The following CDC40 variants were observed in gnomAD, a reference collection of about 807,000 sequenced individuals.
The protein encoded by CDC40 is cell division cycle 40.
Under a neutral mutation model 80.6 loss-of-function variants are expected in CDC40, and 27 were observed. That is an observed-to-expected ratio of 0.33 (90% CI 0.25 to 0.46). CDC40 has a LOEUF of 0.46. CDC40 is among the 20% of genes least tolerant of loss of function. The pLI, the probability that CDC40 is intolerant of heterozygous loss-of-function variation, is 1.00. For missense variants in CDC40, 486 were observed against 694.1 expected, an observed-to-expected ratio of 0.70 and a Z score of 3.37; for synonymous variants, 221 against 232.6, an observed-to-expected ratio of 0.95 and a Z score of 0.45.
At chr6:110,180,933 A>G (rs540241733) in intron 1 of CDC40, among the ~76,000 whole-genome samples, 2 of 152,306 alleles carry the variant, frequency 1.3e-5, no homozygotes, top group Admixed American at 6.5e-5. Context: ...ATCTCGGAAC[A>G]TAAGTGAAAT....
chr6:110,201,571 A>C lies in CDC40; in HGVS notation c.290A>C (p.Asn97Thr), dbSNP rs1017921160. The change falls in exon 3 of 15, where the codon AAT becomes ACT. Residue 97 changes from asparagine (N) to threonine (T), a missense_variant. Physicochemically the swap from Asn to Thr is moderately conservative, Grantham distance 65 (BLOSUM62 0). Transcript: ENST00000307731. ...TMFAPEFGPE[N>T]PFRTQQMAAP... Reference sequence around the variant, plus strand: ...GTAACATTGCAGTTTGGACCAGAAAATCCCTTTAGGACACAGCAAATGGCT... The same window carrying C: ...GTAACATTGCAGTTTGGACCAGAAACTCCCTTTAGGACACAGCAAATGGCT... The C allele has an allele frequency of 1.9e-6, 3 of 1,601,060 alleles. No homozygotes were observed. The Admixed American group carries it at 5.1e-5, about 27-fold the overall frequency.
At chr6:110,225,042 A>T (rs1777832816) in intron 12 of CDC40, among the ~76,000 whole-genome samples, 1 of 152,160 alleles carries the variant, frequency 6.6e-6, no homozygotes, top group Admixed American at 6.5e-5. Context: ...AGGGTTGGAG[A>T]TCTGACAAAT....
chr6:110,191,713 G>A (rs897751169), intron 1 of CDC40, among the ~76,000 whole-genome samples: 1 of 152,172 alleles, frequency 6.6e-6, no homozygotes, highest in African/African-American at 2.4e-5. Flanking sequence ...TAGCAAATGA[G>A]TCAGTGAGGC....
At chr6:110,206,625 A>G (rs1451020178) in intron 3 of CDC40, among the ~76,000 whole-genome samples, 1 of 152,240 alleles carries the variant, frequency 6.6e-6, no homozygotes, top group Admixed American at 6.5e-5. Flanking sequence ...TCTCTTAAGG[A>G]AATATAAAGA....
intron 1 of CDC40, among the ~76,000 whole-genome samples, chr6:110,191,413 A>G (rs1237199335): frequency 1.3e-5 from 2 of 152,200 alleles, no homozygotes; most frequent in African/African-American, 4.8e-5. Flanking sequence ...AGATGGTGAT[A>G]TGATAGGGAT....
rs1461505973 is a variant in CDC40, at chr6:110,231,638, AG to A, written c.*1509del. 2.6e-5 allele frequency: 4 copies of A among 152,206 alleles called. No homozygotes were observed. The highest frequency in any genetic ancestry group is 5.9e-5 in the Non-Finnish European group (4 of 68,034). The allele number at this position is 152,206 out of a possible 1,614,324, so 9.4% of individuals were successfully genotyped here. A position where few individuals can be genotyped will look rare whatever the true frequency, so the allele number is the denominator to read the frequency against. On this transcript the variant is annotated 3_prime_UTR_variant, in exon 15 of 15. Coordinates refer to ENST00000307731, the MANE Select transcript of CDC40 (RefSeq NM_015891.3). ...AAATATTTCACTACCGTGCTGAAAA[AG>A]GTTGGTTGATAGCAGCTTGGAGTGC...
In CDC40 at chr6:110,216,670, G is replaced by C. The variant is rs568730443; in HGVS notation, c.989-1032G>C. Among the ~76,000 whole-genome samples, 6 of 152,292 alleles carry C rather than the reference G, an allele frequency of 3.9e-5. No homozygotes were observed. The South Asian group carries it at 1.2e-3, about 32-fold the overall frequency. ...GGAGTTCACTGGAGGTGATGGTTTA[G>C]AGCTGCTGCATGTGGTTAACAATTT... is the stretch of plus-strand genomic sequence containing the variant. On this transcript the variant is annotated intron_variant, in intron 9 of 14. Transcript: ENST00000307731.
chr6:110,222,106 A>C (rs892289106), intron 12 of CDC40, among the ~76,000 whole-genome samples: 8 of 152,042 alleles, frequency 5.3e-5, no homozygotes, highest in Non-Finnish European at 8.8e-5. Flanking sequence ...AAATACAAAA[A>C]TTAGCTAGTG....
At chr6:110,229,551 A>T (rs1215972293) in intron 14 of CDC40, among the ~76,000 whole-genome samples, 1 of 152,194 alleles carries the variant, frequency 6.6e-6, no homozygotes. Flanking sequence ...TCTTAGATGT[A>T]TTCAAAAGAT....
chr6:110,185,867 G>T (rs80266222), intron 1 of CDC40, among the ~76,000 whole-genome samples: 12,956 of 152,190 alleles, frequency 0.085, 858 homozygotes, highest in African/African-American at 0.19. Context: ...AAGTTAGTAT[G>T]CTAGGCATCC....
intron 2 of CDC40, among the ~76,000 whole-genome samples, chr6:110,195,843 G>A (rs1020758466): frequency 2.0e-5 from 3 of 152,112 alleles, no homozygotes; most frequent in Admixed American, 6.5e-5. Flanking sequence ...ATAACATTGC[G>A]CAAGGCTTTG....
At chr6:110,187,167 A>G (rs1439734232) in intron 1 of CDC40, among the ~76,000 whole-genome samples, 1 of 152,170 alleles carries the variant, frequency 6.6e-6, no homozygotes, top group Non-Finnish European at 1.5e-5. Context: ...TTTAGTAGAG[A>G]CGGGGTTTCA....
At position 110,215,278 on chromosome 6, in the gene CDC40, T is replaced by A; in HGVS notation, c.943-8T>A. The stretch of plus-strand genomic sequence containing the variant: ...ATATTTCCATGTGTTGTTTTTTTTC[T>A]CCCCCAGCTATGGGAGGTTTATGGA... On this transcript the variant is annotated splice_polypyrimidine_tract_variant and splice_region_variant and intron_variant, in intron 8 of 14. Coordinates refer to ENST00000307731, the MANE Select transcript of CDC40 (RefSeq NM_015891.3). 1 of 1,610,470 alleles carries A rather than the reference T, an allele frequency of 6.2e-7. No homozygotes were observed. Among genetic ancestry groups the A allele is most frequent in the Non-Finnish European group, 8.5e-7 (1 of 1,176,846 alleles).
In CDC40 at chr6:110,215,344, T is replaced by C. The variant is rs1217528553; in HGVS notation, c.988+13T>C. On this transcript the variant is annotated intron_variant, in intron 9 of 14. Transcript: ENST00000307731. The stretch of plus-strand genomic sequence containing the variant: ...AGAACATTTATTGGTAATGCTTCTT[T>C]TCTCTCCAACATAAATCTGGGAAGA... The C allele has an allele frequency of 6.2e-7, 1 of 1,606,476 alleles. No individual in the cohort carries two copies. The highest frequency in any genetic ancestry group is 8.5e-7 in the Non-Finnish European group (1 of 1,173,054).
intron 6 of CDC40, 149 bp downstream of exon 6, chr6:110,210,952 G>A: frequency 5.9e-6 from 2 of 341,000 alleles, no homozygotes; most frequent in Non-Finnish European, 1.1e-5. Context: ...GTATCCCAAG[G>A]AAATTACAGC....
At chr6:110,208,146 A>G (rs1188009893) in intron 4 of CDC40, among the ~76,000 whole-genome samples, 1 of 152,234 alleles carries the variant, frequency 6.6e-6, no homozygotes, top group Non-Finnish European at 1.5e-5. Context: ...ATAAAATGCA[A>G]TTTAAAAAGT....
rs200615297 is a variant in CDC40, at chr6:110,209,251, T to C, written c.630+28T>C. ...AAGCTTTGATGTTTTTAATTGTCAA[T>C]TCAGGTATACGCTGTATCTCTATGA... On this transcript the variant is annotated intron_variant, in intron 5 of 14. Transcript: ENST00000307731. 244 of 1,593,280 alleles carry C rather than the reference T, an allele frequency of 1.5e-4. No homozygotes were observed. The African/African-American group carries it at 2.7e-3, about 18-fold the overall frequency.
rs1408372277 is a variant in CDC40, at chr6:110,231,152, A to C, written c.*1021A>C. ...TCCTGGAAGATGGCTAGGGTTCCCC[A>C]GTTTGAGAAGCAGTGGCCATGGTGA... On this transcript the variant is annotated 3_prime_UTR_variant, in exon 15 of 15. Coordinates refer to ENST00000307731, the MANE Select transcript of CDC40 (RefSeq NM_015891.3). 1 of 152,218 alleles carries C rather than the reference A, an allele frequency of 6.6e-6. No homozygotes were observed. Among genetic ancestry groups the C allele is most frequent in the African/African-American group, 2.4e-5 (1 of 41,460 alleles). The allele number at this position is 152,218 out of a possible 1,614,324, so 9.4% of individuals were successfully genotyped here.
At chr6:110,198,037 C>G (rs1777441110) in intron 2 of CDC40, among the ~76,000 whole-genome samples, 1 of 152,136 alleles carries the variant, frequency 6.6e-6, no homozygotes, top group Non-Finnish European at 1.5e-5. Flanking sequence ...ATTCTCTTTT[C>G]TCCAGAACAT....
Sources: gnomAD v4.1 joint callset for allele counts (sites outside exome capture counted in the v4.1 genomes callset) on GRCh38, gnomAD v4.1.1 for gene constraint, MANE v1.5 for transcripts, NCBI Gene and HGNC (gene_info 2026-07-23, HGNC 2026-07-21) for gene names.